The following DNM3 variants were observed in gnomAD, a reference collection of about 807,000 sequenced individuals.
The protein encoded by DNM3 is dynamin-3.
A neutral mutation model predicts 101.6 loss-of-function variants in DNM3; 47 were observed. The observed-to-expected ratio is 0.46, with a 90% CI of 0.37 to 0.59. The LOEUF (loss-of-function observed/expected upper bound fraction) is 0.59, where lower values mean the gene tolerates loss of function less well. Ranked by LOEUF, DNM3 falls within the 20% of genes least tolerant of loss-of-function variation. The pLI, the probability that DNM3 is intolerant of heterozygous loss-of-function variation, is 0.00. For missense variants in DNM3, 849 were observed against 1,085.7 expected (o/e 0.78, Z 3.06); for synonymous variants, 385 against 387.9 (o/e 0.99, Z 0.09).
intron 2 of DNM3, among the ~76,000 whole-genome samples, chr1:171,965,102 G>A (rs986620179): frequency 2.6e-5 from 4 of 152,136 alleles, no homozygotes; most frequent in Admixed American, 2.6e-4. Context: ...CAAGTAGTGA[G>A]TCCCCAGGTA....
rs780150755 is a variant in DNM3 at position 172,042,054 on chromosome 1, G to A, written c.1038G>A (p.Gly346=). 1.9e-6 allele frequency: 3 copies of A among 1,609,202 alleles called. No individual in the cohort carries two copies. The highest frequency in any genetic ancestry group is 4.5e-5 in the East Asian group (2 of 44,756). ...FAVDFEKRIE[G]SGDQVDTLEL... The stretch of plus-strand genomic sequence containing the variant: ...TGGACTTTGAGAAGAGAATTGAAGG[G>A]TCAGGGGATCAAGTAGATACCCTGG... The change falls in exon 8 of 21, where the codon GGG becomes GGA. Residue 346 remains glycine, a synonymous_variant. Transcript: ENST00000627582.
intron 14 of DNM3, among the ~76,000 whole-genome samples, chr1:172,238,278 G>A (rs1163092695): frequency 1.3e-5 from 2 of 152,100 alleles, no homozygotes; most frequent in Non-Finnish European, 2.9e-5. Flanking sequence ...ACACTTCCTG[G>A]TTTAAGGCTG....
At chr1:172,191,869 A>G (rs954806197) in intron 14 of DNM3, among the ~76,000 whole-genome samples, 1 of 152,108 alleles carries the variant, frequency 6.6e-6, no homozygotes. Flanking sequence ...TTGATTTTGT[A>G]TCCTGAGACT....
intron 1 of DNM3, among the ~76,000 whole-genome samples, chr1:171,865,389 T>C (rs985671372): frequency 1.3e-5 from 2 of 151,730 alleles, no homozygotes; most frequent in Admixed American, 1.3e-4. Flanking sequence ...TAGTGGTGCA[T>C]GCCTGTAGTC....
At chr1:172,307,902 AG>A (rs1382002685) in intron 15 of DNM3, among the ~76,000 whole-genome samples, 1 of 152,176 alleles carries the variant, frequency 6.6e-6, no homozygotes, top group African/African-American at 2.4e-5. Flanking sequence ...GGATAGCATG[AG>A]GAGAAATACC....
At chr1:172,214,454 GA>G (rs964638646) in intron 14 of DNM3, among the ~76,000 whole-genome samples, 17 of 151,202 alleles carry the variant, frequency 1.1e-4, no homozygotes, top group East Asian at 7.8e-4. Flanking sequence ...TAAAAAAAAA[GA>G]AAAAAAAGTT....
At chr1:172,311,738 A>G (rs1014913352) in intron 16 of DNM3, among the ~76,000 whole-genome samples, 10 of 152,244 alleles carry the variant, frequency 6.6e-5, no homozygotes, top group African/African-American at 2.4e-4. Context: ...AATATTTTCT[A>G]TTTTTAATTA....
At chr1:172,348,097 G>C (rs561770406) in intron 17 of DNM3, among the ~76,000 whole-genome samples, 92 of 152,208 alleles carry the variant, frequency 6.0e-4, no homozygotes, top group African/African-American at 2.0e-3. Flanking sequence ...CTTTGAGTGG[G>C]AGAGGCAGGG....
At chr1:171,968,669 G>C (rs1250244628) in intron 2 of DNM3, among the ~76,000 whole-genome samples, 1 of 152,120 alleles carries the variant, frequency 6.6e-6, no homozygotes, top group African/African-American at 2.4e-5. Flanking sequence ...TATGTGTTGG[G>C]CTTAGTGCAG....
At chr1:172,172,619 A>T (rs2059003707) in intron 14 of DNM3, among the ~76,000 whole-genome samples, 1 of 151,750 alleles carries the variant, frequency 6.6e-6, no homozygotes, top group Admixed American at 6.6e-5. Context: ...TACTATACTT[A>T]CTACTGTATT....
chr1:172,187,065 A>C (rs1305473506), intron 14 of DNM3, among the ~76,000 whole-genome samples: 1 of 152,106 alleles, frequency 6.6e-6, no homozygotes, highest in Non-Finnish European at 1.5e-5. Context: ...CTTAAGTGTC[A>C]GAAGACCTCC....
chr1:172,078,082 G>A (rs2052814442), intron 11 of DNM3, among the ~76,000 whole-genome samples: 1 of 151,998 alleles, frequency 6.6e-6, no homozygotes, highest in East Asian at 1.9e-4. Flanking sequence ...TTGGGTCTTT[G>A]TTGGTTTTTG....
intron 14 of DNM3, among the ~76,000 whole-genome samples, chr1:172,151,087 A>C (rs2058107569): frequency 6.6e-6 from 1 of 152,018 alleles, no homozygotes; most frequent in South Asian, 2.1e-4. Context: ...TATGTATATA[A>C]GTGTGTATGT....
chr1:172,120,686 T>C (rs1469991943), intron 13 of DNM3, among the ~76,000 whole-genome samples: 2 of 152,218 alleles, frequency 1.3e-5, no homozygotes, highest in East Asian at 3.8e-4. Flanking sequence ...ATACTATAAG[T>C]ATGCCTTTTC....
intron 16 of DNM3, chr1:172,309,881 G>A (rs2757500): frequency 0.073 from 11,159 of 152,152 alleles, 474 homozygotes; most frequent in African/African-American, 0.1. Context: ...CCAAAATGTC[G>A]TCCTCTCTGC....
Position 171,926,487 on chromosome 1 carries a change from C to T in DNM3, c.235+4666C>T, listed in dbSNP as rs1157282154. 3.9e-5 allele frequency among the ~76,000 whole-genome samples: 6 copies of T among 152,214 alleles called. No individual in the cohort carries two copies. The East Asian group carries it at 5.8e-4, about 15-fold the overall frequency. Reference sequence around the variant, plus strand: ...TGTTGAAAAGACTATTCTTTCCTCACTGTAGGATCTTGGCCCCTTTGTCAA... The same window carrying T: ...TGTTGAAAAGACTATTCTTTCCTCATTGTAGGATCTTGGCCCCTTTGTCAA... On this transcript the variant is annotated intron_variant, in intron 2 of 20. Transcript: ENST00000627582.
chr1:172,320,209 A>G (rs1050222233), intron 16 of DNM3, among the ~76,000 whole-genome samples: 2 of 149,778 alleles, frequency 1.3e-5, no homozygotes. Context: ...AGGAAGGGGA[A>G]CATCACACTC....
At position 171,987,813 on chromosome 1, in the gene DNM3, A is replaced by G. The variant is rs753751868; in HGVS notation, c.385+8A>G. 3.3e-6 allele frequency: 5 copies of G among 1,537,692 alleles called. 1 individual carries two copies. The African/African-American group carries it at 4.2e-5, about 13-fold the overall frequency. On this transcript the variant is annotated splice_region_variant and intron_variant, in intron 3 of 20. Coordinates refer to ENST00000627582, the MANE Select transcript of DNM3 (RefSeq NM_015569.5). ...GAGTCTATTCCCCACACGGTAAGTAAAATAATAAAATTCCAAATTCTTCTC... is the reference window on the plus strand; with the variant it reads ...GAGTCTATTCCCCACACGGTAAGTAGAATAATAAAATTCCAAATTCTTCTC...
At chr1:171,948,077 T>A (rs568747882) in intron 2 of DNM3, among the ~76,000 whole-genome samples, 2 of 152,340 alleles carry the variant, frequency 1.3e-5, no homozygotes, top group Non-Finnish European at 2.9e-5. Context: ...GGTAATTCCA[T>A]CTTCAGTAAG....
Sources: gnomAD v4.1 joint callset for allele counts (sites outside exome capture counted in the v4.1 genomes callset) on GRCh38, gnomAD v4.1.1 for gene constraint, MANE v1.5 for transcripts, NCBI Gene and HGNC (gene_info 2026-07-23, HGNC 2026-07-21) for gene names.